Variants in ZNF148 observed in about 807,000 individuals in gnomAD.
ZNF148 encodes zinc finger protein 148.
ZNF148 carries 7 observed loss-of-function variants against 67.7 expected under a neutral mutation model. The observed-to-expected ratio is 0.10, with a 90% CI of 0.06 to 0.19. ZNF148 has a LOEUF of 0.19. Ranked by LOEUF, ZNF148 falls within the 10% of genes least tolerant of loss-of-function variation. The probability of loss-of-function intolerance (pLI) is 1.00; values close to 1 mark genes in which losing one functional copy is unlikely to be tolerated. For synonymous variants in ZNF148, 333 were observed against 330.7 expected (o/e 1.01, Z -0.08); for missense variants, 583 against 947.1 (o/e 0.62, Z 5.05).
At chr3:125,365,717 C>T (rs1161457307) in intron 1 of ZNF148, among the ~76,000 whole-genome samples, 2 of 152,134 alleles carry the variant, frequency 1.3e-5, no homozygotes, top group Admixed American at 6.5e-5. Flanking sequence ...ACTCGGAAGG[C>T]TGAGGCAAGA....
At chr3:125,272,818 T>C (rs1937829198) in intron 7 of ZNF148, among the ~76,000 whole-genome samples, 1 of 152,216 alleles carries the variant, frequency 6.6e-6, no homozygotes, top group Non-Finnish European at 1.5e-5. Context: ...CTAAAAGCTT[T>C]GTTAAAGCAG....
At chr3:125,246,890 A>G (rs1304221021) in intron 7 of ZNF148, among the ~76,000 whole-genome samples, 1 of 152,218 alleles carries the variant, frequency 6.6e-6, no homozygotes, top group South Asian at 2.1e-4. Context: ...AAATATCAGA[A>G]TATCTTTGGC....
intron 7 of ZNF148, among the ~76,000 whole-genome samples, chr3:125,266,088 T>A (rs1177775451): frequency 1.3e-5 from 2 of 152,118 alleles, no homozygotes; most frequent in East Asian, 3.9e-4. Context: ...CGTCTAAACC[T>A]AGGAAAAGAT....
In ZNF148 at chr3:125,230,862, A is replaced by T. The variant is rs982680379; in HGVS notation, c.*1479T>A. ...AGTTGTAACAAAGAGTCAATAACTAATATAACTTCCAAAAATCAAAACTGC... is the reference window on the plus strand; with the variant it reads ...AGTTGTAACAAAGAGTCAATAACTATTATAACTTCCAAAAATCAAAACTGC... On this transcript the variant is annotated 3_prime_UTR_variant, in exon 9 of 9. Transcript: ENST00000360647. The T allele has an allele frequency of 1.3e-5, 2 of 152,246 alleles. No individual in the cohort carries two copies. The highest frequency in any genetic ancestry group is 2.4e-5 in the African/African-American group (1 of 41,440). The allele number at this position is 152,246 out of a possible 1,614,324, so 9.4% of individuals were successfully genotyped here.
intron 7 of ZNF148, among the ~76,000 whole-genome samples, chr3:125,249,041 TAA>T (rs1936721825): frequency 6.6e-6 from 1 of 152,132 alleles, no homozygotes; most frequent in Non-Finnish European, 1.5e-5. Context: ...CAAAAAGGAT[TAA>T]AGACTTAAAC....
chr3:125,267,868 A>G (rs549387383), intron 7 of ZNF148, among the ~76,000 whole-genome samples: 2 of 152,310 alleles, frequency 1.3e-5, no homozygotes, highest in Admixed American at 1.3e-4. Context: ...ATGATAAACA[A>G]TTTCAGTAAA....
intron 1 of ZNF148, among the ~76,000 whole-genome samples, chr3:125,341,476 C>G (rs1421572944): frequency 6.6e-6 from 1 of 151,934 alleles, no homozygotes; most frequent in African/African-American, 2.4e-5. Context: ...TACAAATTAA[C>G]TGGGCATGGT....
chr3:125,358,931 T>C (rs946974585), intron 1 of ZNF148, among the ~76,000 whole-genome samples: 70 of 152,252 alleles, frequency 4.6e-4, no homozygotes, highest in African/African-American at 1.6e-3. Flanking sequence ...CTATGTTGAA[T>C]TAATATAGTT....
intron 4 of ZNF148, 83 bp downstream of exon 4, chr3:125,313,225 C>A: frequency 1.7e-6 from 2 of 1,150,658 alleles, no homozygotes; most frequent in Non-Finnish European, 2.4e-6. Context: ...GAAACATTTT[C>A]TGAAATTTCT....
chr3:125,323,460 C>A lies in ZNF148; in HGVS notation c.-152-16G>T. ...CATCCGATTCCTACAATAAAACACACACACAACAAACATTATTTATGGTAG... is the reference window on the plus strand; with the variant it reads ...CATCCGATTCCTACAATAAAACACAAACACAACAAACATTATTTATGGTAG... On this transcript the variant is annotated splice_polypyrimidine_tract_variant and intron_variant, in intron 2 of 8. Coordinates refer to ENST00000360647, the MANE Select transcript of ZNF148 (RefSeq NM_021964.3). 1.5e-6 allele frequency: 1 copy of A among 669,318 alleles called. No individual in the cohort carries two copies. Among genetic ancestry groups the A allele is most frequent in the Non-Finnish European group, 2.7e-6 (1 of 374,580 alleles). The allele number at this position is 669,318 out of a possible 1,614,324, so 41.5% of individuals were successfully genotyped here.
chr3:125,259,545 AATT>A (rs1382354750), intron 7 of ZNF148, among the ~76,000 whole-genome samples: 1 of 152,230 alleles, frequency 6.6e-6, no homozygotes, highest in Non-Finnish European at 1.5e-5. Context: ...AAGTCACACA[AATT>A]TTTTTGTTTC....
At chr3:125,332,797 A>G (rs576501482) in intron 1 of ZNF148, among the ~76,000 whole-genome samples, 2 of 152,328 alleles carry the variant, frequency 1.3e-5, no homozygotes, top group Non-Finnish European at 2.9e-5. Context: ...AGTTCTTTGC[A>G]CAGATACACT....
At chr3:125,358,592 T>G (rs1942442391) in intron 1 of ZNF148, among the ~76,000 whole-genome samples, 1 of 152,248 alleles carries the variant, frequency 6.6e-6, no homozygotes, top group Admixed American at 6.5e-5. Flanking sequence ...CCTAGGCTCG[T>G]CCCCAAAACC....
In ZNF148 at chr3:125,320,846, T is replaced by C. The variant is rs544286029; in HGVS notation, c.-17+2463A>G. On this transcript the variant is annotated intron_variant, in intron 3 of 8. Transcript: ENST00000360647. ...TGTTATTTGGAGGATGCCAGTTACA[T>C]TAACTTGGATATTAACATTTCTAAC... Among the ~76,000 whole-genome samples, 5 of 152,310 alleles carry C rather than the reference T, an allele frequency of 3.3e-5. No individual in the cohort carries two copies. In the East Asian group the frequency reaches 9.6e-4, roughly 29 times the overall value.
Position 125,280,310 on chromosome 3 carries a change from T to C in ZNF148, c.460-1063A>G, listed in dbSNP as rs114240006. Among the ~76,000 whole-genome samples the C allele has an allele frequency of 1.1e-3, 162 of 152,218 alleles. 1 individual carries two copies. The highest frequency in any genetic ancestry group is 3.4e-3 in the African/African-American group (141 of 41,552). ...AGATTAAGAGTATTGCAAGCCTGGT[T>C]TGGATGGTACCACAGAGAAACTCAC... On this transcript the variant is annotated intron_variant, in intron 5 of 8. Coordinates refer to ENST00000360647, the MANE Select transcript of ZNF148 (RefSeq NM_021964.3).
At chr3:125,348,020 A>C (rs1468218608) in intron 1 of ZNF148, among the ~76,000 whole-genome samples, 3 of 152,134 alleles carry the variant, frequency 2.0e-5, no homozygotes, top group African/African-American at 7.2e-5. Context: ...TTATCCCAGC[A>C]AACGCAGGTG....
At chr3:125,332,245 A>G (rs1466402858) in intron 1 of ZNF148, among the ~76,000 whole-genome samples, 1 of 152,202 alleles carries the variant, frequency 6.6e-6, no homozygotes, top group Non-Finnish European at 1.5e-5. Flanking sequence ...AACAAAAAAA[A>G]TCTATTTTAA....
intron 5 of ZNF148, among the ~76,000 whole-genome samples, chr3:125,281,076 A>G (rs1053724724): frequency 1.3e-5 from 2 of 152,230 alleles, no homozygotes; most frequent in African/African-American, 2.4e-5. Flanking sequence ...AGCCTATACT[A>G]TATGCAGATC....
At chr3:125,243,184 T>A (rs1936444262) in intron 7 of ZNF148, among the ~76,000 whole-genome samples, 1 of 152,222 alleles carries the variant, frequency 6.6e-6, no homozygotes, top group South Asian at 2.1e-4. Flanking sequence ...TTTGAATGAT[T>A]TCCTCATATG....
Sources: allele counts gnomAD v4.1 joint callset (sites outside exome capture counted in the v4.1 genomes callset), GRCh38; gene constraint gnomAD v4.1.1; transcripts MANE v1.5; gene names NCBI Gene and HGNC (gene_info 2026-07-23, HGNC 2026-07-21).